The following COPS7B variants were observed in gnomAD, a reference collection of about 807,000 sequenced individuals.
COPS7B encodes the protein COP9 signalosome complex subunit 7b.
In COPS7B, 9 loss-of-function variants were observed where a neutral mutation model predicts 33.4. That is an observed-to-expected ratio of 0.27 (90% CI 0.16 to 0.47). COPS7B has a LOEUF of 0.47. Ranked by LOEUF, COPS7B falls within the 20% of genes least tolerant of loss-of-function variation. The probability of loss-of-function intolerance (pLI) is 0.99; values close to 1 mark genes in which losing one functional copy is unlikely to be tolerated. For missense variants in COPS7B, 242 were observed against 318.2 expected (o/e 0.76, Z 1.82); for synonymous variants, 119 against 126.3 (o/e 0.94, Z 0.39).
chr2:231,792,054 A>T (rs2049432818), intron 3 of COPS7B: 1 of 650,464 alleles, frequency 1.5e-6, no homozygotes, highest in Non-Finnish European at 2.9e-6. Flanking sequence ...TGTTTTCCAG[A>T]TGAGATTCTT....
chr2:231,801,775 CT>C (rs906218036), intron 6 of COPS7B, among the ~76,000 whole-genome samples: 2 of 151,350 alleles, frequency 1.3e-5, no homozygotes, highest in Non-Finnish European at 2.9e-5. Flanking sequence ...ACCTACTTTT[CT>C]TTTTTTCTTT....
upstream of COPS7B, chr2:231,781,733 G>T: frequency 3.7e-6 from 4 of 1,086,384 alleles, no homozygotes; most frequent in South Asian, 1.4e-5. Context: ...CGCAGTGTGC[G>T]CAAATTCACA....
rs575110189 is a variant in COPS7B at position 231,808,075 on chromosome 2, C to T, written c.*430C>T. 140 of 204,712 alleles carry T rather than the reference C, an allele frequency of 6.8e-4. 1 individual carries two copies. Among genetic ancestry groups the T allele is most frequent in the Non-Finnish European group, 1.2e-3 (117 of 100,844 alleles). 12.7% of individuals were successfully genotyped at this position (204,712 alleles called of 1,614,324 possible). A position where few individuals can be genotyped will look rare whatever the true frequency, so the allele number is the denominator to read the frequency against. On this transcript the variant is annotated 3_prime_UTR_variant, in exon 7 of 7. Transcript: ENST00000350033. Reference sequence around the variant, plus strand: ...TGAGGAGGGGGCACTCCTCTCCAGCCCCTGGTACCACAGTCCTCACGATGG... The same window carrying T: ...TGAGGAGGGGGCACTCCTCTCCAGCTCCTGGTACCACAGTCCTCACGATGG...
At chr2:231,785,406 G>A (rs1188932844), upstream of COPS7B, among the ~76,000 whole-genome samples, 3 of 152,226 alleles carry the variant, frequency 2.0e-5, no homozygotes, top group South Asian at 2.1e-4. Context: ...TGCACAGTGC[G>A]AGCCTCTGTG....
chr2:231,805,257 A>G (rs532495850), intron 6 of COPS7B, among the ~76,000 whole-genome samples: 7 of 151,836 alleles, frequency 4.6e-5, no homozygotes, highest in South Asian at 2.1e-4. Flanking sequence ...TCATTCACTC[A>G]CCACCTTGCC....
chr2:231,781,765 G>A, upstream of COPS7B: 1 of 1,468,206 alleles, frequency 6.8e-7, no homozygotes, highest in Non-Finnish European at 9.3e-7. Context: ...TGAGTTGGTC[G>A]TTTCGGAATC....
At chr2:231,781,986 ATGTATTTCAGGGT>A, upstream of COPS7B, 2 of 1,130,544 alleles carry the variant, frequency 1.8e-6, no homozygotes. Flanking sequence ...CGCCTTTTAC[ATGTATTTCAGGGT>A]TTTTTGCTGT....
At chr2:231,788,821 A>T in intron 2 of COPS7B, 89 bp downstream of exon 2, 1 of 1,272,590 alleles carries the variant, frequency 7.9e-7, no homozygotes, top group Non-Finnish European at 1.1e-6. Flanking sequence ...AAGTATTGTG[A>T]ACCTGTGAGG....
At chr2:231,787,181 C>T (rs1217847759) in intron 1 of COPS7B, among the ~76,000 whole-genome samples, 1 of 152,142 alleles carries the variant, frequency 6.6e-6, no homozygotes, top group Non-Finnish European at 1.5e-5. Flanking sequence ...TCCCTTCCGT[C>T]CTCAAACTCG....
chr2:231,782,960 T>C (rs974267285), upstream of COPS7B, among the ~76,000 whole-genome samples: 2 of 152,206 alleles, frequency 1.3e-5, no homozygotes, highest in African/African-American at 4.8e-5. Context: ...CCAATCAGTA[T>C]TACATCCTTA....
At chr2:231,798,476 C>T (rs1050637634) in intron 5 of COPS7B, among the ~76,000 whole-genome samples, 1 of 151,794 alleles carries the variant, frequency 6.6e-6, no homozygotes, top group African/African-American at 2.4e-5. Flanking sequence ...AGGCTGGTCT[C>T]GAACTCCTGA....
chr2:231,802,181 C>T (rs1047635412), intron 6 of COPS7B, among the ~76,000 whole-genome samples: 1 of 152,112 alleles, frequency 6.6e-6, no homozygotes, highest in Non-Finnish European at 1.5e-5. Flanking sequence ...TCATGGAGGT[C>T]GTAAAGTGTA....
chr2:231,798,065 G>C (rs552062509), intron 5 of COPS7B, among the ~76,000 whole-genome samples: 15 of 150,446 alleles, frequency 1.0e-4, no homozygotes, highest in Admixed American at 7.3e-4. Context: ...TTTTGTATTT[G>C]TAGTAGAGAC....
chr2:231,785,047 G>A (rs184593365), upstream of COPS7B, among the ~76,000 whole-genome samples: 6 of 152,334 alleles, frequency 3.9e-5, no homozygotes, highest in East Asian at 1.2e-3. Flanking sequence ...CTGACCTCAG[G>A]TGATCTGCCC....
chr2:231,791,254 C>T lies in COPS7B; in HGVS notation c.163-479C>T, dbSNP rs186302099. On this transcript the variant is annotated intron_variant, in intron 2 of 6. Coordinates refer to ENST00000350033, the MANE Select transcript of COPS7B (RefSeq NM_022730.4). Reference sequence around the variant, plus strand: ...GTCCCAGCCTGGCTTTCTGTCATACCTTATGATGTGCTGGTCTCTCCCAGG... The same window carrying T: ...GTCCCAGCCTGGCTTTCTGTCATACTTTATGATGTGCTGGTCTCTCCCAGG... The T allele has an allele frequency of 3.3e-4, 52 of 157,610 alleles. 1 individual carries two copies. The highest frequency in any genetic ancestry group is 1.3e-3 in the Admixed American group (20 of 15,858). 9.8% of individuals were successfully genotyped at this position (157,610 alleles called of 1,614,324 possible).
chr2:231,786,775 T>A (rs1424540290), intron 1 of COPS7B, among the ~76,000 whole-genome samples: 2 of 151,934 alleles, frequency 1.3e-5, no homozygotes, highest in Non-Finnish European at 2.9e-5. Context: ...CTGCTTTCGC[T>A]CTCCCATCCC....
intron 6 of COPS7B, among the ~76,000 whole-genome samples, chr2:231,805,650 T>G (rs2049873793): frequency 6.6e-6 from 1 of 151,486 alleles, no homozygotes; most frequent in African/African-American, 2.4e-5. Flanking sequence ...CTTTTATGTC[T>G]TTTTGTTGAG....
chr2:231,801,335 G>C, intron 6 of COPS7B: 2 of 1,480,852 alleles, frequency 1.4e-6, no homozygotes, highest in Non-Finnish European at 1.8e-6. Context: ...CAGCATACCT[G>C]GGGGACCATT....
chr2:231,801,012 C>G (rs1051802554), intron 6 of COPS7B: 1 of 774,528 alleles, frequency 1.3e-6, no homozygotes, highest in Admixed American at 2.4e-5. Flanking sequence ...GAAAAGAAAT[C>G]TACAAAGAAT....
Sources: gnomAD v4.1 joint callset for allele counts (sites outside exome capture counted in the v4.1 genomes callset) on GRCh38, gnomAD v4.1.1 for gene constraint, MANE v1.5 for transcripts, NCBI Gene and HGNC (gene_info 2026-07-23, HGNC 2026-07-21) for gene names.